Variants in LRRC18 observed in about 807,000 individuals in gnomAD.
LRRC18 encodes leucine rich repeat containing 18, also known as leucine-rich repeat-containing protein 18.
LRRC18 carries 12 observed loss-of-function variants against 11.2 expected under a neutral mutation model. The observed-to-expected ratio is 1.07, with a 90% CI of 0.69 to 1.74. The LOEUF is 1.74. Ranked by LOEUF, LRRC18 falls within the 40% of genes most tolerant of loss-of-function variation. The pLI, the probability that LRRC18 is intolerant of heterozygous loss-of-function variation, is 0.00. For synonymous variants in LRRC18, 155 were observed against 130.6 expected (o/e 1.19, Z -1.27); for missense variants, 374 against 330.5 (o/e 1.13, Z -1.02).
chr10:48,939,206 A>G, the LRRC18 span, among the ~76,000 whole-genome samples: 1 of 152,222 alleles, frequency 6.6e-6, no homozygotes, highest in East Asian at 1.9e-4. Context: ...CCACTCTGCC[A>G]CTGCACTCTC....
At chr10:48,935,472 C>T in the LRRC18 span, among the ~76,000 whole-genome samples, 3 of 152,234 alleles carry the variant, frequency 2.0e-5, no homozygotes, top group African/African-American at 7.2e-5. Context: ...AACGGCCAAG[C>T]GGATGTGGCT....
At chr10:48,926,105 C>A in the LRRC18 span, among the ~76,000 whole-genome samples, 1 of 152,202 alleles carries the variant, frequency 6.6e-6, no homozygotes, top group Non-Finnish European at 1.5e-5. Context: ...CCTGTGCTCC[C>A]CCAGTGGCAA....
the LRRC18 span, among the ~76,000 whole-genome samples, chr10:48,933,048 G>A: frequency 1.3e-5 from 2 of 152,180 alleles, no homozygotes; most frequent in South Asian, 2.1e-4. Flanking sequence ...CAGGGAAGGA[G>A]AGTGATGGAG....
At chr10:48,918,678 C>A (rs2133560306), upstream of LRRC18, among the ~76,000 whole-genome samples, 1 of 152,304 alleles carries the variant, frequency 6.6e-6, no homozygotes, top group South Asian at 2.1e-4. Flanking sequence ...GAGAGAAAAT[C>A]AGCAAGGAAA....
At chr10:48,917,524 G>A (rs554804597), upstream of LRRC18, among the ~76,000 whole-genome samples, 53 of 152,318 alleles carry the variant, frequency 3.5e-4, no homozygotes, top group African/African-American at 1.3e-3. Flanking sequence ...ACCCACAGGG[G>A]AACAGCAATA....
At chr10:48,939,678 T>C in the LRRC18 span, among the ~76,000 whole-genome samples, 1 of 152,268 alleles carries the variant, frequency 6.6e-6, no homozygotes, top group African/African-American at 2.4e-5. Context: ...TAGATCATTT[T>C]AAGAGTTCTG....
At chr10:48,930,643 A>G in the LRRC18 span, among the ~76,000 whole-genome samples, 1 of 152,246 alleles carries the variant, frequency 6.6e-6, no homozygotes, top group Non-Finnish European at 1.5e-5. Context: ...AATAAGAACA[A>G]GACTTTTGAT....
chr10:48,924,998 A>G, the LRRC18 span, among the ~76,000 whole-genome samples: 7 of 152,224 alleles, frequency 4.6e-5, no homozygotes, highest in Admixed American at 2.6e-4. Flanking sequence ...ATGGAACTGA[A>G]ACCCCCATAG....
the LRRC18 span, among the ~76,000 whole-genome samples, chr10:48,930,561 G>A: frequency 3.3e-5 from 5 of 152,206 alleles, no homozygotes; most frequent in East Asian, 7.7e-4. Flanking sequence ...GAAACGGCTG[G>A]TACTCTGGGA....
At chr10:48,923,506 A>ATATATATATATATATATATGTATG in the LRRC18 span, among the ~76,000 whole-genome samples, 154 of 115,156 alleles carry the variant, frequency 1.3e-3, 12 homozygotes, top group East Asian at 8.5e-3. Context: ...GTATATATAT[A>ATATATATATATATATATATGTATG]TATATATGTC....
chr10:48,934,271 C>A, the LRRC18 span, among the ~76,000 whole-genome samples: 2 of 152,224 alleles, frequency 1.3e-5, no homozygotes, highest in East Asian at 3.8e-4. Flanking sequence ...AAAGACACTA[C>A]CTACTTTTTA....
At chr10:48,914,820 G>A (rs1484778871), upstream of LRRC18, among the ~76,000 whole-genome samples, 2 of 152,172 alleles carry the variant, frequency 1.3e-5, no homozygotes, top group African/African-American at 2.4e-5. Flanking sequence ...ATCAGGGTGT[G>A]CCATTGCTGG....
At chr10:48,933,235 C>G in the LRRC18 span, among the ~76,000 whole-genome samples, 1 of 152,182 alleles carries the variant, frequency 6.6e-6, no homozygotes, top group African/African-American at 2.4e-5. Flanking sequence ...GCTAGAGGGG[C>G]CTAGCACTTC....
chr10:48,930,931 G>A, the LRRC18 span, among the ~76,000 whole-genome samples: 3 of 152,050 alleles, frequency 2.0e-5, no homozygotes, highest in East Asian at 3.8e-4. Context: ...GAGAAAGAAC[G>A]CCAAGAATAT....
At chr10:48,926,721 T>A in the LRRC18 span, among the ~76,000 whole-genome samples, 39 of 152,362 alleles carry the variant, frequency 2.6e-4, no homozygotes, top group African/African-American at 8.4e-4. Context: ...ATGTTAATGA[T>A]ATTTTAATAG....
At chr10:48,924,013 G>A in the LRRC18 span, among the ~76,000 whole-genome samples, 9 of 152,224 alleles carry the variant, frequency 5.9e-5, no homozygotes, top group Non-Finnish European at 8.8e-5. Context: ...GAAGCAGCAC[G>A]GAGCTGGCTA....
At chr10:48,921,567 G>T in the LRRC18 span, among the ~76,000 whole-genome samples, 2 of 150,798 alleles carry the variant, frequency 1.3e-5, no homozygotes, top group Admixed American at 1.3e-4. Context: ...ATTTACAAAA[G>T]ATAGTATTAA....
In LRRC18 at chr10:48,913,505, G is replaced by A. The variant is rs150055684; in HGVS notation, c.651C>T (p.Ala217=). ...TCTTGATTCTATTCAGGTTGTCCCG[G>A]GCGTTTTGGCATTTTCTCAGGCAAG... The change falls in exon 1 of 2, where the codon GCC becomes GCT. Residue 217 remains alanine, a synonymous_variant. Coordinates refer to ENST00000374160, the Ensembl canonical transcript of LRRC18. The A allele has an allele frequency of 7.5e-5, 121 of 1,613,562 alleles. 1 individual carries two copies. Among genetic ancestry groups the A allele is most frequent in the Middle Eastern group, 3.3e-4 (2 of 6,084 alleles).
the LRRC18 span, among the ~76,000 whole-genome samples, chr10:48,926,325 TC>T: frequency 6.6e-6 from 1 of 152,194 alleles, no homozygotes; most frequent in Non-Finnish European, 1.5e-5. Flanking sequence ...ATTGTCAGAG[TC>T]CCCAGAACTC....
Sources: allele counts gnomAD v4.1 joint callset (sites outside exome capture counted in the v4.1 genomes callset), GRCh38; gene constraint gnomAD v4.1.1; transcripts MANE v1.5; gene names NCBI Gene and HGNC (gene_info 2026-07-23, HGNC 2026-07-21).